LATS1: variants seen among roughly 807,000 people sequenced by gnomAD.
LATS1 encodes serine/threonine-protein kinase LATS1.
A neutral mutation model predicts 106.6 loss-of-function variants in LATS1; 25 were observed. The observed-to-expected ratio is 0.23, with a 90% CI of 0.17 to 0.33. LATS1 has a LOEUF of 0.33. LATS1 is among the 10% of genes least tolerant of loss of function. LATS1 has a pLI of 1.00. For synonymous variants in LATS1, 465 were observed against 455.6 expected, an observed-to-expected ratio of 1.02 and a Z score of -0.26; for missense variants, 1,040 against 1,382.6, an observed-to-expected ratio of 0.75 and a Z score of 3.93.
intron 7 of LATS1, among the ~76,000 whole-genome samples, chr6:149,671,896 CT>C (rs34908424): frequency 2.0e-5 from 3 of 148,254 alleles, no homozygotes; most frequent in East Asian, 2.0e-4. Context: ...TGATTTCTTT[CT>C]TTTTTTTTTG....
rs756958414 is a variant in LATS1 at position 149,683,286 on chromosome 6, A to C, written c.1803T>G (p.Asp601Glu). ...DESEKSYENVDSGDKEKKQIT... is the reference protein window; with the variant it reads ...DESEKSYENVESGDKEKKQIT... Reference sequence around the variant, plus strand: ...TCTGTTTCTTTTCTTTATCCCCACTATCAACATTTTCATAACTCTTTTCAC... The same window carrying C: ...TCTGTTTCTTTTCTTTATCCCCACTCTCAACATTTTCATAACTCTTTTCAC... Residue 601 changes from aspartate to glutamate, a missense_variant, in exon 4 of 8, where the codon GAT (aspartate) becomes GAG (glutamate). Physicochemically the swap from Asp to Glu is conservative, Grantham distance 45. This residue lies in a region of LATS1 where 167 missense variants were observed against 332.1 expected (regional missense o/e 0.50). Transcript: ENST00000543571. 3 of 1,613,996 alleles carry C rather than the reference A, an allele frequency of 1.9e-6. No homozygotes were observed. In the South Asian group the frequency reaches 3.3e-5, roughly 18 times the overall value.
intron 1 of LATS1, among the ~76,000 whole-genome samples, chr6:149,712,488 C>T (rs931230542): frequency 4.0e-5 from 6 of 151,506 alleles, no homozygotes; most frequent in African/African-American, 1.5e-4. Flanking sequence ...TGAGCCACTG[C>T]GCCCAGCCAT....
intron 2 of LATS1, 71 bp downstream of exon 2, chr6:149,701,708 G>A (rs1276597723): frequency 8.8e-7 from 1 of 1,132,922 alleles, no homozygotes; most frequent in Non-Finnish European, 1.3e-6. Flanking sequence ...ATTTTGGCAT[G>A]TTATCACCCA....
At chr6:149,717,060 A>G (rs1034951256) in intron 1 of LATS1, among the ~76,000 whole-genome samples, 1 of 152,224 alleles carries the variant, frequency 6.6e-6, no homozygotes, top group Admixed American at 6.5e-5. Flanking sequence ...GAGTTATACA[A>G]TATTACTTCT....
intron 1 of LATS1, among the ~76,000 whole-genome samples, chr6:149,709,431 C>T (rs574895944): frequency 1.7e-4 from 26 of 152,286 alleles, no homozygotes; most frequent in South Asian, 6.2e-4. Context: ...GTCTCTTGTG[C>T]GGAAAATCTA....
rs187064885 is a variant in LATS1, at chr6:149,695,273, T to C, written c.349-52A>G. On this transcript the variant is annotated intron_variant, in intron 2 of 7. Transcript: ENST00000543571. ...AAGAAACAAAATTTAAATCTTACAA[T>C]AATACAAGGGAAAGAACACTATGAG... is the stretch of plus-strand genomic sequence containing the variant. The C allele has an allele frequency of 1.3e-5, 16 of 1,235,456 alleles. No individual in the cohort carries two copies. In the African/African-American group the frequency reaches 2.3e-4, roughly 18 times the overall value. The allele number at this position is 1,235,456 out of a possible 1,614,324, so 76.5% of individuals were successfully genotyped here.
rs1030503602 is a variant in LATS1, at chr6:149,660,161, G to T, written c.*1568C>A. On this transcript the variant is annotated 3_prime_UTR_variant, in exon 8 of 8. Coordinates refer to ENST00000543571, the MANE Select transcript of LATS1 (RefSeq NM_004690.4). ...ATGCAACATTGTATGTGTATGTGTG[G>T]TTTTTTTTTCTAGGAAGAGTCCACA... is the stretch of plus-strand genomic sequence containing the variant. 4 of 229,984 alleles carry T rather than the reference G, an allele frequency of 1.7e-5. No homozygotes were observed. Among genetic ancestry groups the T allele is most frequent in the East Asian group, 1.2e-4 (2 of 16,238 alleles). The allele number at this position is 229,984 out of a possible 1,614,324, so 14.2% of individuals were successfully genotyped here. A position where few individuals can be genotyped will look rare whatever the true frequency, so the allele number is the denominator to read the frequency against.
Position 149,684,537 on chromosome 6 carries a change from G to T in LATS1, c.552C>A (p.Ser184=). The T allele has an allele frequency of 6.2e-7, 1 of 1,613,656 alleles. No homozygotes were observed. ...RKQSWKGSKE[S]LVPQRHGPPL... ...GCGGGCCATGCCTCTGAGGAACTAA[G>T]GATTCTTTAGAACCTTTCCAGCTCT... Residue 184 remains serine, a synonymous_variant, in exon 4 of 8, where the codon TCC becomes TCA. Transcript: ENST00000543571.
Position 149,718,066 on chromosome 6 carries a change from G to A in LATS1, c.-358C>T, listed in dbSNP as rs1784524659. ...CCACCGCCGCCGCCGCCGCCATTTT[G>A]CCTTCCACTCAGTGTCGCCGCCGCC... is the stretch of plus-strand genomic sequence containing the variant. On this transcript the variant is annotated 5_prime_UTR_variant, in exon 1 of 8. Coordinates refer to ENST00000543571, the MANE Select transcript of LATS1 (RefSeq NM_004690.4). 1 of 321,532 alleles carries A rather than the reference G, an allele frequency of 3.1e-6. No homozygotes were observed. The highest frequency in any genetic ancestry group is 6.0e-6 in the Non-Finnish European group (1 of 165,778). The allele number at this position is 321,532 out of a possible 1,614,324, so 19.9% of individuals were successfully genotyped here.
At chr6:149,710,906 T>C (rs77404818) in intron 1 of LATS1, among the ~76,000 whole-genome samples, 2 of 152,174 alleles carry the variant, frequency 1.3e-5, no homozygotes, top group East Asian at 1.9e-4. Flanking sequence ...CAGAAGAGAA[T>C]AGAAAAAGTT....
At chr6:149,712,509 C>T (rs929805933) in intron 1 of LATS1, among the ~76,000 whole-genome samples, 3 of 151,496 alleles carry the variant, frequency 2.0e-5, no homozygotes, top group South Asian at 2.1e-4. Context: ...ATTTTATCTT[C>T]TATTCTCTCT....
At chr6:149,675,559 G>GTT (rs912497889) in intron 7 of LATS1, 2 of 152,212 alleles carry the variant, frequency 1.3e-5, no homozygotes, top group African/African-American at 4.8e-5. Flanking sequence ...AGACCTTTTT[G>GTT]TTTTGTTTTG....
chr6:149,693,277 G>GAA (rs112251580), intron 3 of LATS1, among the ~76,000 whole-genome samples: 2 of 89,380 alleles, frequency 2.2e-5, no homozygotes, highest in Non-Finnish European at 4.7e-5. Flanking sequence ...GTCTCAAAGA[G>GAA]AAAAAAAAAA....
chr6:149,684,008 T>A lies in LATS1; in HGVS notation c.1081A>T (p.Asn361Tyr). Residue 361 changes from asparagine (N) to tyrosine (Y), a missense_variant, in exon 4 of 8, where the codon AAT (asparagine) becomes TAT (tyrosine). By Grantham distance (143) the Asn-to-Tyr change is moderately radical. Transcript: ENST00000543571. Reference protein sequence around the residue: ...TGQTDFMIHQNVVPAGTVNRQ... With the variant: ...TGQTDFMIHQYVVPAGTVNRQ... Reference sequence around the variant, plus strand: ...TTCACAGTGCCAGCAGGGACAACATTTTGGTGTATCATGAAATCAGTTTGT... The same window carrying A: ...TTCACAGTGCCAGCAGGGACAACATATTGGTGTATCATGAAATCAGTTTGT... 6.2e-7 allele frequency: 1 copy of A among 1,613,820 alleles called. No homozygotes were observed. The highest frequency in any genetic ancestry group is 8.5e-7 in the Non-Finnish European group (1 of 1,179,930).
At position 149,702,141 on chromosome 6, in the gene LATS1, A is replaced by G; in HGVS notation, c.-15T>C. ...CTCCTCTTCATGAAAACATCTATATATGTAGCCCACACGAAGGACTTCTTT... is the reference window on the plus strand; with the variant it reads ...CTCCTCTTCATGAAAACATCTATATGTGTAGCCCACACGAAGGACTTCTTT... On this transcript the variant is annotated 5_prime_UTR_variant, in exon 2 of 8. Coordinates refer to ENST00000543571, the MANE Select transcript of LATS1 (RefSeq NM_004690.4). 6.6e-7 allele frequency: 1 copy of G among 1,526,098 alleles called. No individual in the cohort carries two copies. Among genetic ancestry groups the G allele is most frequent in the Non-Finnish European group, 8.9e-7 (1 of 1,117,928 alleles). The allele number at this position is 1,526,098 out of a possible 1,614,324, so 94.5% of individuals were successfully genotyped here.
At chr6:149,684,790 A>G (rs189558231) in intron 3 of LATS1, among the ~76,000 whole-genome samples, 198 bp from the exon 4 acceptor site, 3 of 152,276 alleles carry the variant, frequency 2.0e-5, no homozygotes, top group African/African-American at 7.2e-5. Context: ...ACTCCTGAAA[A>G]TTGCCGAGAG....
intron 1 of LATS1, among the ~76,000 whole-genome samples, chr6:149,710,155 G>T (rs1185274769): frequency 6.6e-6 from 1 of 152,116 alleles, no homozygotes; most frequent in African/African-American, 2.4e-5. Flanking sequence ...TATACTGATT[G>T]ATGTCTTATG....
At chr6:149,693,158 G>A (rs898733536) in intron 3 of LATS1, among the ~76,000 whole-genome samples, 4 of 151,842 alleles carry the variant, frequency 2.6e-5, no homozygotes, top group Non-Finnish European at 4.4e-5. Context: ...AGCTACTCTG[G>A]AGGCTGACGC....
intron 3 of LATS1, among the ~76,000 whole-genome samples, chr6:149,692,599 T>A (rs1273807876): frequency 1.3e-5 from 2 of 151,986 alleles, no homozygotes; most frequent in Admixed American, 6.6e-5. Flanking sequence ...CCTGAAACAG[T>A]GGTTGACCAA....
Sources: allele counts gnomAD v4.1 joint callset (sites outside exome capture counted in the v4.1 genomes callset), GRCh38; gene constraint gnomAD v4.1.1; regional missense constraint gnomAD v4.1.1; transcripts MANE v1.5; gene names NCBI Gene and HGNC (gene_info 2026-07-23, HGNC 2026-07-21).